Variants in TENM1 observed in about 807,000 individuals in gnomAD.
TENM1 encodes the protein teneurin-1.
A neutral mutation model predicts 174.8 loss-of-function variants in TENM1; 35 were observed. The observed-to-expected ratio is 0.20, with a 90% confidence interval of 0.15 to 0.27. TENM1 has a LOEUF of 0.27. Among genes scored for constraint, TENM1 ranks in the 10% least tolerant of loss-of-function variants. TENM1 has a pLI of 1.00. For missense variants in TENM1, 1,633 were observed against 2,130.1 expected (o/e 0.77, Z 4.59); for synonymous variants, 781 against 798.7 (o/e 0.98, Z 0.37).
intron 18 of TENM1, among the ~76,000 whole-genome samples, chrX:124,508,598 G>A (rs1473713576): frequency 8.9e-6 from 1 of 112,108 alleles, no homozygotes; most frequent in Non-Finnish European, 1.9e-5. Context: ...GTTGAATGAA[G>A]AGAAAGTACA....
intron 5 of TENM1, among the ~76,000 whole-genome samples, chrX:124,698,921 T>G (rs1446964338): frequency 1.8e-5 from 2 of 111,704 alleles, no homozygotes; most frequent in Non-Finnish European, 3.8e-5. Flanking sequence ...GATATTTTGT[T>G]GGTGATACTG....
At chrX:125,196,030 GAA>G in the TENM1 span, among the ~76,000 whole-genome samples, 2 of 107,530 alleles carry the variant, frequency 1.9e-5, no homozygotes, top group East Asian at 5.9e-4. Context: ...AGGAAGGAAG[GAA>G]GGAAGGAAGG....
chrX:124,437,590 T>C (rs1422299462), intron 23 of TENM1, among the ~76,000 whole-genome samples: 1 of 112,105 alleles, frequency 8.9e-6, no homozygotes, highest in Non-Finnish European at 1.9e-5. Context: ...GGAGACACAA[T>C]TCTGTACCAA....
At chrX:125,103,352 C>T in the TENM1 span, among the ~76,000 whole-genome samples, 1 of 111,202 alleles carries the variant, frequency 9.0e-6, no homozygotes, top group Non-Finnish European at 1.9e-5. Context: ...TATCTTGTCT[C>T]ATTTTGTTTT....
At chrX:124,707,266 G>A (rs2052931210) in intron 4 of TENM1, among the ~76,000 whole-genome samples, 1 of 111,916 alleles carries the variant, frequency 8.9e-6, no homozygotes, top group Non-Finnish European at 1.9e-5. Context: ...GCCTCCTAAA[G>A]TGCTAGGATT....
At chrX:125,099,906 G>C in the TENM1 span, among the ~76,000 whole-genome samples, 1 of 111,528 alleles carries the variant, frequency 9.0e-6, no homozygotes. Context: ...CAATATTTAT[G>C]ATATCAGCTA....
intron 1 of TENM1, among the ~76,000 whole-genome samples, chrX:124,899,153 G>T (rs927738986): frequency 9.9e-5 from 11 of 111,243 alleles, no homozygotes; most frequent in Admixed American, 6.7e-4. Flanking sequence ...TATCTATAAA[G>T]CACTTACAAC....
chrX:125,092,010 A>G, the TENM1 span, among the ~76,000 whole-genome samples: 94 of 106,605 alleles, frequency 8.8e-4, 2 homozygotes, highest in African/African-American at 3.1e-3. Context: ...AAAAAAAAAA[A>G]AGATTGGTTT....
the TENM1 span, among the ~76,000 whole-genome samples, chrX:125,000,002 G>A: frequency 9.0e-6 from 1 of 110,755 alleles, no homozygotes; most frequent in Non-Finnish European, 1.9e-5. Flanking sequence ...TGAACTTTCT[G>A]GTTATTGGAT....
chrX:124,481,768 C>T (rs1405005120), exon 22 of TENM1: 3 of 1,190,474 alleles, frequency 2.5e-6, no homozygotes, highest in Non-Finnish European at 3.4e-6. Context: ...GATGCTCTCC[C>T]ACCATCTCCA....
the TENM1 span, among the ~76,000 whole-genome samples, chrX:125,135,588 T>A: frequency 8.9e-6 from 1 of 111,778 alleles, no homozygotes; most frequent in South Asian, 3.7e-4. Flanking sequence ...TAATGGGTGT[T>A]CTACAAGTGA....
intron 3 of TENM1, among the ~76,000 whole-genome samples, chrX:124,858,750 T>C (rs755953037): frequency 1.4e-3 from 159 of 111,514 alleles, no homozygotes; most frequent in Non-Finnish European, 2.6e-3. Context: ...AAAATGGTAA[T>C]GATATTTCAT....
At chrX:124,993,557 C>A in the TENM1 span, among the ~76,000 whole-genome samples, 3 of 109,974 alleles carry the variant, frequency 2.7e-5, no homozygotes, top group East Asian at 2.9e-4. Context: ...TACCCCCGCA[C>A]GAATATTCAT....
At chrX:125,196,271 G>A in the TENM1 span, among the ~76,000 whole-genome samples, 2 of 110,656 alleles carry the variant, frequency 1.8e-5, no homozygotes, top group African/African-American at 3.3e-5. Context: ...AGCTTTAAGC[G>A]TATGAGTCAC....
the TENM1 span, among the ~76,000 whole-genome samples, chrX:125,028,719 A>G: frequency 8.9e-6 from 1 of 112,147 alleles, no homozygotes; most frequent in Non-Finnish European, 1.9e-5. Context: ...AAATGTTCAC[A>G]ATGAAAACAG....
chrX:124,926,232 C>A (rs1477171266), intron 1 of TENM1, among the ~76,000 whole-genome samples: 1 of 111,972 alleles, frequency 8.9e-6, no homozygotes, highest in Non-Finnish European at 1.9e-5. Context: ...ATGCAAGTTG[C>A]AATTCTAACT....
the TENM1 span, among the ~76,000 whole-genome samples, chrX:125,129,064 T>C: frequency 0.013 from 1,456 of 111,466 alleles, 28 homozygotes; most frequent in African/African-American, 0.044. Context: ...TCTCTCTTTC[T>C]ATACACACAA....
At chrX:124,689,465 G>A (rs1175540077) in intron 5 of TENM1, among the ~76,000 whole-genome samples, 1 of 111,851 alleles carries the variant, frequency 8.9e-6, no homozygotes, top group Non-Finnish European at 1.9e-5. Context: ...AATATTTCAT[G>A]ATAGAGAAAA....
exon 4 of TENM1, chrX:124,737,161 C>T (rs146311286): frequency 1.7e-6 from 2 of 1,206,196 alleles, no homozygotes; most frequent in African/African-American, 3.5e-5. Flanking sequence ...TGGGAGGGGT[C>T]TGAAGGTGAA....
Sources: gnomAD v4.1 joint callset for allele counts (sites outside exome capture counted in the v4.1 genomes callset) on GRCh38, gnomAD v4.1.1 for gene constraint, MANE v1.5 for transcripts, NCBI Gene and HGNC (gene_info 2026-07-23, HGNC 2026-07-21) for gene names.